The following TMTC3 variants were observed in gnomAD, a reference collection of about 807,000 sequenced individuals.
The protein encoded by TMTC3 is transmembrane O-mannosyltransferase targeting cadherins 3.
A neutral mutation model predicts 92.2 loss-of-function variants in TMTC3; 52 were observed. The ratio of observed to expected loss-of-function variants is 0.56; its 90% CI spans 0.45 to 0.71. TMTC3 has a LOEUF of 0.71. Among genes scored for constraint, TMTC3 ranks in the 30% least tolerant of loss-of-function variants. The probability of loss-of-function intolerance (pLI) is 0.00; values close to 1 mark genes in which losing one functional copy is unlikely to be tolerated. For synonymous variants in TMTC3, 339 were observed against 363.3 expected, an observed-to-expected ratio of 0.93 and a Z score of 0.76; for missense variants, 896 against 1,057.1, an observed-to-expected ratio of 0.85 and a Z score of 2.11.
intron 8 of TMTC3, among the ~76,000 whole-genome samples, chr12:88,173,790 A>G (rs1174006089): frequency 6.6e-6 from 1 of 152,034 alleles, no homozygotes; most frequent in Non-Finnish European, 1.5e-5. Context: ...TTCTCATTTA[A>G]TCTTGACACT....
chr12:88,197,554 T>C lies in TMTC3; in HGVS notation c.*1905T>C, dbSNP rs1054570912. On this transcript the variant is annotated 3_prime_UTR_variant, in exon 14 of 14. Coordinates refer to ENST00000266712, the MANE Select transcript of TMTC3 (RefSeq NM_181783.4). The stretch of plus-strand genomic sequence containing the variant: ...GTGGAGGGTAGTTCAGAAAAGTTAA[T>C]AGGAAATCTTTTGTGACAGCAGACT... 6 of 152,272 alleles carry C rather than the reference T, an allele frequency of 3.9e-5. No homozygotes were observed. The East Asian group carries it at 7.7e-4, about 20-fold the overall frequency. The allele number at this position is 152,272 out of a possible 1,614,324, so 9.4% of individuals were successfully genotyped here.
rs183384038 is a variant in TMTC3, at chr12:88,153,159, C to T, written c.190-132C>T. 2.0e-3 allele frequency: 1,212 copies of T among 595,828 alleles called. 11 individuals are homozygous for T. Among genetic ancestry groups the T allele is most frequent in the Non-Finnish European group, 2.3e-4 (81 of 346,922 alleles). The allele number at this position is 595,828 out of a possible 1,614,324, so 36.9% of individuals were successfully genotyped here. A position where few individuals can be genotyped will look rare whatever the true frequency, so the allele number is the denominator to read the frequency against. ...TTTTATTTTTGTGTTACTCTTACGA[C>T]ATTTCATATTTTATTGTTATTTCTC... On this transcript the variant is annotated intron_variant, in intron 2 of 13. Transcript: ENST00000266712.
intron 4 of TMTC3, 126 bp downstream of exon 4, chr12:88,154,513 T>A: frequency 5.6e-6 from 3 of 540,298 alleles, no homozygotes; most frequent in Non-Finnish European, 3.1e-6. Flanking sequence ...ATGTATTGTT[T>A]TACTTTAGCA....
In TMTC3 at chr12:88,166,422, C is replaced by T. The variant is rs2041144468; in HGVS notation, c.890C>T (p.Pro297Leu). ...GTGAATGCTTGGTTGTTATTAAATC[C>T]TTCAGAGCTCTGCTGTGATTGGACC... Reference protein sequence around the residue: ...LPVNAWLLLNPSELCCDWTMG... With the variant: ...LPVNAWLLLNLSELCCDWTMG... Residue 297 changes from proline (P) to leucine (L), a missense_variant, in exon 7 of 14, where the codon CCT becomes CTT. Pro to Leu is a moderately conservative substitution (Grantham distance 98). Coordinates refer to ENST00000266712, the MANE Select transcript of TMTC3 (RefSeq NM_181783.4). 6.2e-7 allele frequency: 1 copy of T among 1,613,770 alleles called. No homozygotes were observed.
intron 1 of TMTC3, among the ~76,000 whole-genome samples, chr12:88,143,541 A>G (rs144605029): frequency 8.1e-4 from 123 of 152,352 alleles, no homozygotes; most frequent in Non-Finnish European, 1.0e-3. Flanking sequence ...TGGAGGACAT[A>G]TTCTTAACTT....
chr12:88,193,271 C>T (rs935003201), intron 13 of TMTC3, among the ~76,000 whole-genome samples: 2 of 151,922 alleles, frequency 1.3e-5, no homozygotes, highest in Non-Finnish European at 2.9e-5. Flanking sequence ...ATACTTTTGG[C>T]ACCATTTTAT....
chr12:88,190,031 A>G (rs1339431117), intron 11 of TMTC3, among the ~76,000 whole-genome samples: 1 of 152,054 alleles, frequency 6.6e-6, no homozygotes, highest in Non-Finnish European at 1.5e-5. Context: ...AGCTTAAGCT[A>G]TTTTTTCTGA....
intron 10 of TMTC3, among the ~76,000 whole-genome samples, chr12:88,187,941 A>G (rs985489109): frequency 6.6e-6 from 1 of 152,130 alleles, no homozygotes; most frequent in South Asian, 2.1e-4. Context: ...TTAAAAAGCT[A>G]CTGTACAATG....
chr12:88,176,377 C>A, intron 10 of TMTC3, 58 bp downstream of exon 10: 2 of 1,271,732 alleles, frequency 1.6e-6, no homozygotes, highest in Non-Finnish European at 2.2e-6. Flanking sequence ...TTTTGATTAT[C>A]CTTGGGGGAA....
chr12:88,192,867 G>A (rs1031353303), intron 13 of TMTC3, 37 bp downstream of exon 13: 3 of 1,517,046 alleles, frequency 2.0e-6, no homozygotes, highest in South Asian at 1.2e-5. Context: ...TATATAAATT[G>A]TAGTTTATAA....
intron 1 of TMTC3, among the ~76,000 whole-genome samples, chr12:88,144,022 G>C (rs1019044963): frequency 2.6e-5 from 4 of 152,158 alleles, no homozygotes; most frequent in Admixed American, 2.0e-4. Context: ...GGATGCTAAT[G>C]CATTATAATT....
At chr12:88,176,375 A>G (rs1283893034) in intron 10 of TMTC3, 56 bp downstream of exon 10, 8 of 1,293,622 alleles carry the variant, frequency 6.2e-6, no homozygotes, top group South Asian at 4.0e-5. Flanking sequence ...AGTTTTGATT[A>G]TCCTTGGGGG....
chr12:88,175,257 A>G (rs1348775110), intron 9 of TMTC3, among the ~76,000 whole-genome samples: 1 of 152,176 alleles, frequency 6.6e-6, no homozygotes. Flanking sequence ...GCAGAAAGAA[A>G]GGATCAAGAT....
Position 88,195,756 on chromosome 12 carries a change from C to A in TMTC3, c.*107C>A, listed in dbSNP as rs1384372345. On this transcript the variant is annotated 3_prime_UTR_variant, in exon 14 of 14. Coordinates refer to ENST00000266712, the MANE Select transcript of TMTC3 (RefSeq NM_181783.4). ...AGTTCAAGGGTTCCTAATGGTCAAT[C>A]ATGAGCTGCCTTGAAGTAGGATCAA... is the stretch of plus-strand genomic sequence containing the variant. The A allele has an allele frequency of 2.4e-6, 2 of 849,520 alleles. No homozygotes were observed. Among genetic ancestry groups the A allele is most frequent in the Non-Finnish European group, 3.6e-6 (2 of 561,078 alleles). The allele number at this position is 849,520 out of a possible 1,614,324, so 52.6% of individuals were successfully genotyped here. A position where few individuals can be genotyped will look rare whatever the true frequency, so the allele number is the denominator to read the frequency against.
chr12:88,187,280 A>G (rs1011479192), intron 10 of TMTC3, among the ~76,000 whole-genome samples: 2 of 152,150 alleles, frequency 1.3e-5, no homozygotes, highest in African/African-American at 2.4e-5. Context: ...ATGCAAGCAA[A>G]TACCCTGATC....
At chr12:88,172,418 T>G (rs2041214254) in intron 7 of TMTC3, among the ~76,000 whole-genome samples, 179 bp from the exon 8 acceptor site, 1 of 151,914 alleles carries the variant, frequency 6.6e-6, no homozygotes, top group African/African-American at 2.4e-5. Context: ...CTAAGTTGCC[T>G]TCTTTATGTT....
rs188023343 is a variant in TMTC3 at position 88,186,316 on chromosome 12, A to G, written c.1433-2527A>G. On this transcript the variant is annotated intron_variant, in intron 10 of 13. Transcript: ENST00000266712. ...CTATTAAAAACACATGCAAACATTC[A>G]TGCAGGTAAGTTGATAACCTTTAGC... Among the ~76,000 whole-genome samples, 22 of 152,276 alleles carry G rather than the reference A, an allele frequency of 1.4e-4. No homozygotes were observed. In the East Asian group the frequency reaches 4.2e-3, roughly 29 times the overall value.
At chr12:88,154,555 A>G (rs1169177166) in intron 4 of TMTC3, among the ~76,000 whole-genome samples, 168 bp downstream of exon 4, 2 of 152,152 alleles carry the variant, frequency 1.3e-5, no homozygotes, top group Non-Finnish European at 2.9e-5. Context: ...TAACATTGCT[A>G]GTATTTAGGA....
chr12:88,147,567 G>A (rs1404529012), intron 1 of TMTC3, among the ~76,000 whole-genome samples: 1 of 151,820 alleles, frequency 6.6e-6, no homozygotes, highest in African/African-American at 2.4e-5. Flanking sequence ...CTAGTTTCTT[G>A]AAAAGGAACA....
Sources: allele counts gnomAD v4.1 joint callset (sites outside exome capture counted in the v4.1 genomes callset), GRCh38; gene constraint gnomAD v4.1.1; transcripts MANE v1.5; gene names NCBI Gene and HGNC (gene_info 2026-07-23, HGNC 2026-07-21).